The following OR9Q1 variants were observed in gnomAD, a reference collection of about 807,000 sequenced individuals.
OR9Q1 encodes olfactory receptor family 9 subfamily Q member 1, also known as olfactory receptor 9Q1.
For missense variants in OR9Q1, 374 were observed against 378.8 expected, an observed-to-expected ratio of 0.99 and a Z score of 0.11; for synonymous variants, 153 against 148.6, an observed-to-expected ratio of 1.03 and a Z score of -0.22.
Position 58,024,109 on chromosome 11 carries a change from G to A in OR9Q1, c.-93+5G>A, listed in dbSNP as rs1233644310. The A allele has an allele frequency of 6.6e-6, 1 of 152,304 alleles. No individual in the cohort carries two copies. The highest frequency in any genetic ancestry group is 1.9e-4 in the East Asian group (1 of 5,194). The allele number at this position is 152,304 out of a possible 1,614,324, so 9.4% of individuals were successfully genotyped here. On this transcript the variant is annotated splice_donor_5th_base_variant and intron_variant, in intron 1 of 2. Transcript: ENST00000335397. ...CACAGCTACGGCCTGACGGAGGTAG[G>A]GTCAAATGCAGCTCCACTGATTTCA...
intron 1 of OR9Q1, among the ~76,000 whole-genome samples, chr11:58,046,724 G>A (rs1269798152): frequency 3.3e-5 from 5 of 152,062 alleles, no homozygotes; most frequent in Admixed American, 2.0e-4. Context: ...TTAGCTGGGC[G>A]TGGTAGTGGG....
At chr11:58,064,029 A>G (rs78873461) in intron 2 of OR9Q1, among the ~76,000 whole-genome samples, 5,297 of 152,260 alleles carry the variant, frequency 0.035, 102 homozygotes, top group East Asian at 0.061. Context: ...TGGCGAGTGC[A>G]GGGCCTCCAG....
At chr11:58,027,531 C>G (rs866138629) in intron 1 of OR9Q1, among the ~76,000 whole-genome samples, 1 of 152,100 alleles carries the variant, frequency 6.6e-6, no homozygotes, top group African/African-American at 2.4e-5. Flanking sequence ...GCCTGTGGCT[C>G]ATAAAGCTTA....
intron 2 of OR9Q1, among the ~76,000 whole-genome samples, chr11:58,170,181 A>G (rs1854541075): frequency 1.3e-5 from 2 of 152,142 alleles, no homozygotes; most frequent in African/African-American, 4.8e-5. Context: ...AGATGCTTCT[A>G]AAAATGAGAC....
At chr11:58,037,179 CT>C (rs1853108035) in intron 1 of OR9Q1, among the ~76,000 whole-genome samples, 2 of 152,148 alleles carry the variant, frequency 1.3e-5, no homozygotes, top group Admixed American at 1.3e-4. Flanking sequence ...TTAAGATTCT[CT>C]GAAGGCTCAG....
chr11:58,115,452 A>G (rs904272628), intron 2 of OR9Q1, among the ~76,000 whole-genome samples: 6 of 152,210 alleles, frequency 3.9e-5, no homozygotes, highest in African/African-American at 1.4e-4. Context: ...TAGTAGTTCT[A>G]CAATGCATAC....
intron 2 of OR9Q1, among the ~76,000 whole-genome samples, chr11:58,095,777 C>G (rs1262510331): frequency 6.6e-6 from 1 of 152,078 alleles, no homozygotes; most frequent in Non-Finnish European, 1.5e-5. Flanking sequence ...TGAATGGGGA[C>G]ACAAAGCCAA....
intron 2 of OR9Q1, among the ~76,000 whole-genome samples, chr11:58,166,706 A>G (rs926399564): frequency 1.9e-4 from 29 of 152,128 alleles, no homozygotes; most frequent in African/African-American, 7.0e-4. Context: ...TATTTTTTGC[A>G]TAGTTTGGTT....
At position 58,143,753 on chromosome 11, in the gene OR9Q1, G is replaced by A. The variant is rs146416802; in HGVS notation, c.-14-35678G>A. On this transcript the variant is annotated intron_variant, in intron 2 of 2. Coordinates refer to ENST00000335397, the MANE Select transcript of OR9Q1 (RefSeq NM_001005212.4). ...TTAGGAAAAAAAGCTAATGCTTGCTGGGCTTAATACCTAGGTGATGGGTTG... is the reference window on the plus strand; with the variant it reads ...TTAGGAAAAAAAGCTAATGCTTGCTAGGCTTAATACCTAGGTGATGGGTTG... Among the ~76,000 whole-genome samples the A allele has an allele frequency of 8.5e-5, 13 of 152,162 alleles. No individual in the cohort carries two copies. In the East Asian group the frequency reaches 2.5e-3, roughly 29 times the overall value.
intron 1 of OR9Q1, among the ~76,000 whole-genome samples, chr11:58,026,358 A>G (rs1852972884): frequency 6.6e-6 from 1 of 152,134 alleles, no homozygotes; most frequent in African/African-American, 2.4e-5. Context: ...CAACTTTTAT[A>G]TTCAATGGTA....
intron 2 of OR9Q1, among the ~76,000 whole-genome samples, chr11:58,103,354 G>A (rs943475697): frequency 5.3e-5 from 8 of 152,098 alleles, no homozygotes; most frequent in African/African-American, 1.2e-4. Flanking sequence ...CACAACATGC[G>A]GTGATTATGG....
intron 2 of OR9Q1, among the ~76,000 whole-genome samples, chr11:58,081,897 G>T (rs1853591157): frequency 6.7e-6 from 1 of 149,694 alleles, no homozygotes; most frequent in South Asian, 2.1e-4. Flanking sequence ...TAGTTACAGT[G>T]TTGACTTAAA....
intron 2 of OR9Q1, among the ~76,000 whole-genome samples, chr11:58,150,097 A>G (rs1854336042): frequency 6.6e-6 from 1 of 152,192 alleles, no homozygotes. Flanking sequence ...AATATATAAG[A>G]GTTCTAAGTT....
At chr11:58,038,680 C>T (rs952033814) in intron 1 of OR9Q1, among the ~76,000 whole-genome samples, 2 of 152,142 alleles carry the variant, frequency 1.3e-5, no homozygotes, top group East Asian at 3.9e-4. Flanking sequence ...AAATCAGAAC[C>T]CTACAGTTTT....
Position 58,066,632 on chromosome 11 carries a change from A to G in OR9Q1, c.-15+10685A>G, listed in dbSNP as rs575910038. ...GCCTCTAGCACCCTGTCAACTACTAATTTTCCTTACTTTCAGGCCGAAGTT... is the reference window on the plus strand; with the variant it reads ...GCCTCTAGCACCCTGTCAACTACTAGTTTTCCTTACTTTCAGGCCGAAGTT... On this transcript the variant is annotated intron_variant, in intron 2 of 2. Transcript: ENST00000335397. 4.6e-5 allele frequency among the ~76,000 whole-genome samples: 7 copies of G among 152,012 alleles called. No homozygotes were observed. In the East Asian group the frequency reaches 7.7e-4, roughly 17 times the overall value.
chr11:58,081,157 T>A (rs980679255), intron 2 of OR9Q1, among the ~76,000 whole-genome samples: 6 of 152,226 alleles, frequency 3.9e-5, no homozygotes, highest in Admixed American at 2.6e-4. Context: ...TCATCCTTTT[T>A]TGTGGCTGCA....
At chr11:58,135,941 C>T (rs897336560) in intron 2 of OR9Q1, among the ~76,000 whole-genome samples, 1 of 152,280 alleles carries the variant, frequency 6.6e-6, no homozygotes, top group South Asian at 2.1e-4. Context: ...TTGTTCAATC[C>T]ACAGTAGCCT....
In OR9Q1 at chr11:58,088,565, A is replaced by G. The variant is rs111576185; in HGVS notation, c.-15+32618A>G. Among the ~76,000 whole-genome samples, 573 of 152,014 alleles carry G rather than the reference A, an allele frequency of 3.8e-3. 14 individuals carry two copies. The highest frequency in any genetic ancestry group is 0.017 in the East Asian group (88 of 5,178). ...TGTGGTTTTGATTTGCATTTCTCCA[A>G]TGACCAGTGACGATGAGCTTTTGTT... On this transcript the variant is annotated intron_variant, in intron 2 of 2. Transcript: ENST00000335397.
At chr11:58,128,009 G>GA (rs926989027) in intron 2 of OR9Q1, among the ~76,000 whole-genome samples, 12 of 151,800 alleles carry the variant, frequency 7.9e-5, no homozygotes, top group African/African-American at 2.9e-4. Context: ...CATTTAAATT[G>GA]AAAAAAATTT....
Sources: allele counts gnomAD v4.1 joint callset (sites outside exome capture counted in the v4.1 genomes callset), GRCh38; gene constraint gnomAD v4.1.1; transcripts MANE v1.5; gene names NCBI Gene and HGNC (gene_info 2026-07-23, HGNC 2026-07-21).